The following RBM19 variants were observed in gnomAD, a reference collection of about 807,000 sequenced individuals.
The protein encoded by RBM19 is RNA binding motif protein 19.
In RBM19, 94 loss-of-function variants were observed where a neutral mutation model predicts 116.8. The ratio of observed to expected loss-of-function variants is 0.80; its 90% CI spans 0.68 to 0.95. RBM19 has a LOEUF of 0.95. Ranked by LOEUF, RBM19 falls within the 40% of genes least tolerant of loss-of-function variation. RBM19 has a pLI of 0.00. For synonymous variants in RBM19, 475 were observed against 494.1 expected (o/e 0.96, Z 0.51); for missense variants, 1,161 against 1,220.7 (o/e 0.95, Z 0.73).
At chr12:113,957,331 T>C (rs566477306) in intron 6 of RBM19, among the ~76,000 whole-genome samples, 102 of 152,248 alleles carry the variant, frequency 6.7e-4, no homozygotes, top group Non-Finnish European at 9.0e-4. Context: ...ATCCCAGCAC[T>C]TTGGGAGGCT....
At chr12:113,959,020 TTGAC>T (rs1366202808) in intron 5 of RBM19, among the ~76,000 whole-genome samples, 188 bp downstream of exon 5, 1 of 152,244 alleles carries the variant, frequency 6.6e-6, no homozygotes, top group African/African-American at 2.4e-5. Flanking sequence ...GAAATATTTG[TTGAC>T]TGACTGACTG....
intron 5 of RBM19, among the ~76,000 whole-genome samples, chr12:113,958,799 G>A (rs1872208562): frequency 6.7e-6 from 1 of 150,232 alleles, no homozygotes; most frequent in South Asian, 2.1e-4. Context: ...CCTCCTCAGG[G>A]AGGCCTTCCC....
chr12:113,908,720 G>A (rs1033229756), intron 21 of RBM19, among the ~76,000 whole-genome samples: 6 of 152,168 alleles, frequency 3.9e-5, no homozygotes, highest in African/African-American at 1.4e-4. Context: ...GTGAAGCTCT[G>A]GAGGGAGAGC....
intron 21 of RBM19, among the ~76,000 whole-genome samples, chr12:113,884,888 TAAATA>T (rs1459949412): frequency 6.8e-6 from 1 of 147,390 alleles, no homozygotes; most frequent in African/African-American, 2.5e-5. Context: ...TGTAACTCAT[TAAATA>T]AAATAACCAC....
At chr12:113,927,591 C>CAAAAAA (rs764020256) in intron 16 of RBM19, among the ~76,000 whole-genome samples, 3 of 63,032 alleles carry the variant, frequency 4.8e-5, no homozygotes, top group Non-Finnish European at 1.1e-4. Context: ...CCTCAAAAAA[C>CAAAAAA]AAAAAAAAAA....
chr12:113,857,228 A>G (rs1593490757), intron 22 of RBM19, among the ~76,000 whole-genome samples: 1 of 152,208 alleles, frequency 6.6e-6, no homozygotes. Flanking sequence ...AGAGCATCAC[A>G]TGTGTGCACG....
At position 113,920,710 on chromosome 12, in the gene RBM19, A is replaced by G. The variant is rs748662249; in HGVS notation, c.2306-20T>C. Reference sequence around the variant, plus strand: ...GCACTCCTGAGAGAGAGAGGTGGAAATCACACCAGTCGGTGAAGCGGAAGC... The same window carrying G: ...GCACTCCTGAGAGAGAGAGGTGGAAGTCACACCAGTCGGTGAAGCGGAAGC... On this transcript the variant is annotated intron_variant, in intron 18 of 23. Transcript: ENST00000261741. The G allele has an allele frequency of 1.2e-6, 2 of 1,605,692 alleles. No homozygotes were observed. The highest frequency in any genetic ancestry group is 2.7e-5 in the African/African-American group (2 of 74,644).
chr12:113,831,180 T>G (rs1034763897), intron 23 of RBM19, among the ~76,000 whole-genome samples: 1 of 152,226 alleles, frequency 6.6e-6, no homozygotes, highest in African/African-American at 2.4e-5. Context: ...GATGATTCAT[T>G]CAAAACCATT....
intron 21 of RBM19, among the ~76,000 whole-genome samples, chr12:113,877,373 C>G: frequency 6.6e-6 from 1 of 152,164 alleles, no homozygotes; most frequent in East Asian, 1.9e-4. Context: ...CCTCCCAGAC[C>G]CTACAGGGAG....
At chr12:113,859,679 G>T (rs1878207526) in intron 21 of RBM19, among the ~76,000 whole-genome samples, 2 of 152,040 alleles carry the variant, frequency 1.3e-5, no homozygotes, top group Non-Finnish European at 2.9e-5. Context: ...GCTTTCTCAG[G>T]CCTCCCTTGC....
chr12:113,943,395 C>A (rs1194292581), intron 13 of RBM19, among the ~76,000 whole-genome samples: 1 of 152,138 alleles, frequency 6.6e-6, no homozygotes, highest in Non-Finnish European at 1.5e-5. Context: ...CCCCTCAGAG[C>A]CCCTCAGTAT....
At chr12:113,823,587 A>C (rs1398835389) in intron 23 of RBM19, among the ~76,000 whole-genome samples, 1 of 151,440 alleles carries the variant, frequency 6.6e-6, no homozygotes, top group Non-Finnish European at 1.5e-5. Context: ...TGAGGAGGAG[A>C]GAGAAACACT....
In RBM19 at chr12:113,966,070, G is replaced by A. The variant is rs536657561; in HGVS notation, c.36+122C>T. The A allele has an allele frequency of 2.0e-4, 225 of 1,134,496 alleles. 1 individual carries two copies. The East Asian group carries it at 5.3e-3, about 27-fold the overall frequency. 70.3% of individuals were successfully genotyped at this position (1,134,496 alleles called of 1,614,324 possible). A position where few individuals can be genotyped will look rare whatever the true frequency, so the allele number is the denominator to read the frequency against. ...CAGGATCCCGCCCCCTTTGAGTTCA[G>A]AATTGGCCCGGAGTCCTGCCCCAGA... On this transcript the variant is annotated intron_variant, in intron 1 of 23. Coordinates refer to ENST00000261741, the MANE Select transcript of RBM19 (RefSeq NM_016196.4).
intron 21 of RBM19, among the ~76,000 whole-genome samples, chr12:113,860,100 C>T (rs186746755): frequency 7.2e-5 from 11 of 152,358 alleles, no homozygotes; most frequent in African/African-American, 2.2e-4. Context: ...TCTGCTCCCC[C>T]CTCCTGGTGC....
At chr12:113,862,834 G>A (rs867033649) in intron 21 of RBM19, among the ~76,000 whole-genome samples, 1 of 152,180 alleles carries the variant, frequency 6.6e-6, no homozygotes, top group African/African-American at 2.4e-5. Context: ...GACATACCGG[G>A]CTTTTAAACA....
chr12:113,924,998 C>A (rs10774724), intron 17 of RBM19, among the ~76,000 whole-genome samples: 41,527 of 151,948 alleles, frequency 0.27, 5,871 homozygotes, highest in Middle Eastern at 0.41. Flanking sequence ...CACAGAACAG[C>A]GAGAGACTGA....
At chr12:113,888,503 G>C (rs1001160010) in intron 21 of RBM19, among the ~76,000 whole-genome samples, 5 of 152,206 alleles carry the variant, frequency 3.3e-5, no homozygotes, top group African/African-American at 1.2e-4. Flanking sequence ...CCCAGGAACA[G>C]TATGACAATT....
At chr12:113,877,290 T>G (rs1183379116) in intron 21 of RBM19, among the ~76,000 whole-genome samples, 1 of 151,078 alleles carries the variant, frequency 6.6e-6, no homozygotes, top group African/African-American at 2.4e-5. Context: ...TTACTGACAG[T>G]ACATTGCGGG....
intron 21 of RBM19, among the ~76,000 whole-genome samples, chr12:113,905,126 A>G (rs1881953556): frequency 6.6e-6 from 1 of 152,246 alleles, no homozygotes; most frequent in Non-Finnish European, 1.5e-5. Flanking sequence ...GTAAGTCAAG[A>G]AAGCCCAAAG....
Sources: gnomAD v4.1 joint callset for allele counts (sites outside exome capture counted in the v4.1 genomes callset) on GRCh38, gnomAD v4.1.1 for gene constraint, MANE v1.5 for transcripts, NCBI Gene and HGNC (gene_info 2026-07-23, HGNC 2026-07-21) for gene names.